DNM1L: variants seen among roughly 807,000 people sequenced by gnomAD.
DNM1L encodes dynamin-1-like protein.
DNM1L carries 33 observed loss-of-function variants against 92.8 expected under a neutral mutation model. That is an observed-to-expected ratio of 0.36 (90% CI 0.27 to 0.48). The LOEUF (loss-of-function observed/expected upper bound fraction) is 0.48. DNM1L is among the 20% of genes least tolerant of loss of function. DNM1L has a pLI of 0.99. For missense variants in DNM1L, 485 were observed against 888.8 expected (o/e 0.55, Z 5.78); for synonymous variants, 284 against 305.0 (o/e 0.93, Z 0.72).
At position 32,737,883 on chromosome 12, in the gene DNM1L, G is replaced by A; in HGVS notation, c.1615G>A (p.Ala539Thr). 1 of 1,613,872 alleles carries A rather than the reference G, an allele frequency of 6.2e-7. No individual in the cohort carries two copies. The highest frequency in any genetic ancestry group is 1.3e-5 in the African/African-American group (1 of 74,972). ...CCTTTAGTCTTCTAAAGTTCCAAGT[G>A]CTTTGGCACCTGCCTCCCAGGAGCC... Reference protein sequence around the residue: ...SRDKSSKVPSALAPASQEPSP... With the variant: ...SRDKSSKVPSTLAPASQEPSP... The change falls in exon 15 of 20, where the codon GCT becomes ACT. Residue 539 changes from alanine to threonine, a missense_variant. This residue lies in a region of DNM1L where 65 missense variants were observed against 59.4 expected (regional missense o/e 1.09). Transcript: ENST00000549701.
chr12:32,721,721 G>C (rs1308022464), intron 8 of DNM1L, among the ~76,000 whole-genome samples: 1 of 152,062 alleles, frequency 6.6e-6, no homozygotes, highest in Non-Finnish European at 1.5e-5. Flanking sequence ...CAGGTTGAGG[G>C]TTCAGTCCCA....
Position 32,731,109 on chromosome 12 carries a change from T to C in DNM1L, c.1175T>C (p.Ile392Thr). ...DPLGGLNTIDILTAIRNATGP... is the reference protein window; with the variant it reads ...DPLGGLNTIDTLTAIRNATGP... Reference sequence around the variant, plus strand: ...CTTGGTGGCCTTAACACTATTGACATTTTGACTGCCATTAGAAATGCTACT... The same window carrying C: ...CTTGGTGGCCTTAACACTATTGACACTTTGACTGCCATTAGAAATGCTACT... The change falls in exon 10 of 20, where the codon ATT becomes ACT. Residue 392 changes from isoleucine to threonine, a missense_variant. Physicochemically the swap from Ile to Thr is moderately conservative, Grantham distance 89. This residue lies in a region of DNM1L where 19 missense variants were observed against 22.1 expected (regional missense o/e 0.86). Transcript: ENST00000549701. The surrounding 1 kb of genome is among the most constrained non-coding windows in gnomAD (Gnocchi z 5.1). The C allele has an allele frequency of 6.2e-7, 1 of 1,614,096 alleles. No homozygotes were observed. The highest frequency in any genetic ancestry group is 8.5e-7 in the Non-Finnish European group (1 of 1,179,994).
chr12:32,717,333 T>A (rs1158855540), intron 6 of DNM1L, among the ~76,000 whole-genome samples: 1 of 69,972 alleles, frequency 1.4e-5, no homozygotes, highest in Non-Finnish European at 2.6e-5. Context: ...CTATATATTT[T>A]ATATATACTA....
At chr12:32,740,275 A>G in intron 17 of DNM1L, 35 bp downstream of exon 17, 1 of 1,614,058 alleles carries the variant, frequency 6.2e-7, no homozygotes, top group Non-Finnish European at 8.5e-7. Flanking sequence ...GTAATAAGGT[A>G]GGTGACCAAG....
chr12:32,730,390 A>G (rs188163423), intron 9 of DNM1L, among the ~76,000 whole-genome samples: 1 of 151,650 alleles, frequency 6.6e-6, no homozygotes, highest in Admixed American at 6.6e-5. Context: ...ACAAAAAAAG[A>G]GAGATTTAAT....
chr12:32,745,003 T>C lies in DNM1L; in HGVS notation c.*1593T>C, dbSNP rs770425534. 2 of 517,470 alleles carry C rather than the reference T, an allele frequency of 3.9e-6. No homozygotes were observed. Among genetic ancestry groups the C allele is most frequent in the East Asian group, 5.5e-5 (1 of 18,348 alleles). 32.1% of individuals were successfully genotyped at this position (517,470 alleles called of 1,614,324 possible). On this transcript the variant is annotated 3_prime_UTR_variant, in exon 20 of 20. Transcript: ENST00000549701. ...TGAAGGACTATTGGCAGGGAAAATA[T>C]GAATATGTTAACTTTAGCTTATGGC...
intron 2 of DNM1L, among the ~76,000 whole-genome samples, chr12:32,702,148 C>A (rs1249682688): frequency 6.8e-6 from 1 of 148,140 alleles, no homozygotes; most frequent in Non-Finnish European, 1.5e-5. Flanking sequence ...GCAGAAGAAT[C>A]ACTTGAACCC....
At chr12:32,721,476 G>A (rs1953799363) in intron 8 of DNM1L, among the ~76,000 whole-genome samples, 1 of 152,084 alleles carries the variant, frequency 6.6e-6, no homozygotes, top group African/African-American at 2.4e-5. Flanking sequence ...GGTAATTGCA[G>A]TAATATGAAA....
In DNM1L at chr12:32,744,899, A is replaced by C; in HGVS notation, c.*1489A>C. On this transcript the variant is annotated 3_prime_UTR_variant, in exon 20 of 20. Transcript: ENST00000549701. ...TAAGATGTACTTAGAAATCCTTAAG[A>C]CATCTAGCCCCGTCTCTAATAGACA... 1 of 511,866 alleles carries C rather than the reference A, an allele frequency of 2.0e-6. No homozygotes were observed. 31.7% of individuals were successfully genotyped at this position (511,866 alleles called of 1,614,324 possible). A position where few individuals can be genotyped will look rare whatever the true frequency, so the allele number is the denominator to read the frequency against.
chr12:32,716,399 A>G (rs533008969), intron 6 of DNM1L, among the ~76,000 whole-genome samples: 13 of 152,252 alleles, frequency 8.5e-5, no homozygotes, highest in Middle Eastern at 3.4e-3. Context: ...CAGTGGTGCA[A>G]TCACGGCTCA....
intron 4 of DNM1L, 106 bp from the exon 5 acceptor site, chr12:32,710,823 C>T (rs1953098177): frequency 5.0e-6 from 5 of 1,001,432 alleles, no homozygotes; most frequent in African/African-American, 1.6e-5. Flanking sequence ...TTTTAGGAAT[C>T]ATGATTTAAT....
At chr12:32,707,659 G>T (rs1952977684) in intron 3 of DNM1L, among the ~76,000 whole-genome samples, 1 of 152,100 alleles carries the variant, frequency 6.6e-6, no homozygotes, top group Non-Finnish European at 1.5e-5. Flanking sequence ...GCTTTGAAAA[G>T]TTCGTAATGG....
intron 16 of DNM1L, 134 bp from the exon 17 acceptor site, chr12:32,739,930 T>A: frequency 8.9e-7 from 1 of 1,122,952 alleles, no homozygotes; most frequent in Non-Finnish European, 1.3e-6. Context: ...TGTCTCCTTC[T>A]GACCTCATTA....
intron 12 of DNM1L, among the ~76,000 whole-genome samples, chr12:32,733,248 T>TAC (rs1247669161): frequency 2.6e-5 from 4 of 152,368 alleles, no homozygotes; most frequent in African/African-American, 9.6e-5. Flanking sequence ...AATCAGTCAC[T>TAC]ACCTCAGGTC....
intron 9 of DNM1L, among the ~76,000 whole-genome samples, chr12:32,730,549 A>G (rs1048584447): frequency 3.9e-5 from 6 of 152,212 alleles, no homozygotes; most frequent in Admixed American, 1.3e-4. Context: ...CATATTGTCT[A>G]TGGCTGCTTA....
At chr12:32,738,372 G>C (rs1418623359) in intron 16 of DNM1L, 76 bp downstream of exon 16, 1 of 1,500,600 alleles carries the variant, frequency 6.7e-7, no homozygotes, top group African/African-American at 1.4e-5. Flanking sequence ...CACCATTAAA[G>C]AACCTGTTTG....
chr12:32,722,212 G>C (rs1953843661), intron 8 of DNM1L, among the ~76,000 whole-genome samples: 1 of 152,172 alleles, frequency 6.6e-6, no homozygotes, highest in Non-Finnish European at 1.5e-5. Flanking sequence ...AGCATGCAGA[G>C]ACACTCTAAA....
intron 6 of DNM1L, among the ~76,000 whole-genome samples, chr12:32,717,534 G>A (rs1953516255): frequency 1.7e-5 from 2 of 118,524 alleles, no homozygotes; most frequent in South Asian, 4.6e-4. Flanking sequence ...TCTGCATAGT[G>A]TACAATTTTA....
At chr12:32,733,888 G>A in intron 13 of DNM1L, 81 bp downstream of exon 13, 4 of 1,241,686 alleles carry the variant, frequency 3.2e-6, no homozygotes, top group Non-Finnish European at 2.4e-6. Context: ...TTAGCATGGA[G>A]TAACTATAAA....
Sources: allele counts gnomAD v4.1 joint callset (sites outside exome capture counted in the v4.1 genomes callset), GRCh38; gene constraint gnomAD v4.1.1; regional missense constraint gnomAD v4.1.1; non-coding constraint Gnocchi (gnomAD v3.1); transcripts MANE v1.5; gene names NCBI Gene and HGNC (gene_info 2026-07-23, HGNC 2026-07-21).